Variants in SYNDIG1 observed in about 807,000 individuals in gnomAD.
SYNDIG1 encodes synapse differentiation inducing 1.
A neutral mutation model predicts 19.4 loss-of-function variants in SYNDIG1; 9 were observed. That is an observed-to-expected ratio of 0.46 (90% CI 0.28 to 0.81). SYNDIG1 has a LOEUF of 0.81. SYNDIG1 is among the 30% of genes least tolerant of loss of function. SYNDIG1 has a pLI of 0.12. For missense variants in SYNDIG1, 311 were observed against 343.3 expected (o/e 0.91, Z 0.74); for synonymous variants, 141 against 145.9 (o/e 0.97, Z 0.24).
intron 2 of SYNDIG1, among the ~76,000 whole-genome samples, chr20:24,580,609 A>G (rs1267776078): frequency 1.3e-5 from 2 of 152,100 alleles, no homozygotes; most frequent in Admixed American, 6.5e-5. Flanking sequence ...GGGTTTCACC[A>G]TGTTGCCCAG....
At chr20:24,599,938 T>C (rs2147117283) in intron 3 of SYNDIG1, among the ~76,000 whole-genome samples, 1 of 152,314 alleles carries the variant, frequency 6.6e-6, no homozygotes, top group South Asian at 2.1e-4. Flanking sequence ...GTGACTATAG[T>C]TAAACAAAAC....
chr20:24,550,304 G>A (rs1002176839), intron 2 of SYNDIG1, among the ~76,000 whole-genome samples: 5 of 149,276 alleles, frequency 3.3e-5, no homozygotes, highest in African/African-American at 9.9e-5. Flanking sequence ...TGGTGTAGAT[G>A]TCTCTCTAAT....
At chr20:24,566,920 G>T (rs1377905788) in intron 2 of SYNDIG1, among the ~76,000 whole-genome samples, 1 of 152,184 alleles carries the variant, frequency 6.6e-6, no homozygotes, top group Non-Finnish European at 1.5e-5. Context: ...AGGTCCAAAT[G>T]CATGTTCTCT....
intron 1 of SYNDIG1, among the ~76,000 whole-genome samples, chr20:24,540,310 A>G (rs1371043124): frequency 1.3e-5 from 2 of 152,050 alleles, no homozygotes; most frequent in African/African-American, 4.8e-5. Context: ...TTTTTGTGGA[A>G]TCTTTAGGGT....
intron 1 of SYNDIG1, among the ~76,000 whole-genome samples, chr20:24,478,064 C>G (rs191034293): frequency 6.6e-6 from 1 of 152,180 alleles, no homozygotes; most frequent in Non-Finnish European, 1.5e-5. Context: ...ACCACAGGGC[C>G]GCCTGGCTGC....
chr20:24,614,390 T>C (rs1356258283), intron 3 of SYNDIG1, among the ~76,000 whole-genome samples: 1 of 152,190 alleles, frequency 6.6e-6, no homozygotes, highest in African/African-American at 2.4e-5. Flanking sequence ...AAATATACTT[T>C]TTTGTTTGTT....
intron 2 of SYNDIG1, among the ~76,000 whole-genome samples, chr20:24,545,335 C>A (rs1358541467): frequency 6.6e-6 from 1 of 152,152 alleles, no homozygotes; most frequent in Non-Finnish European, 1.5e-5. Flanking sequence ...CACGCTGCAG[C>A]TGTGGAAAGT....
intron 3 of SYNDIG1, among the ~76,000 whole-genome samples, chr20:24,655,017 C>T (rs189963237): frequency 2.6e-5 from 4 of 152,268 alleles, no homozygotes; most frequent in Non-Finnish European, 5.9e-5. Context: ...CGAAGCCTTC[C>T]GCGGTGTGTG....
intron 1 of SYNDIG1, among the ~76,000 whole-genome samples, chr20:24,529,875 ATGG>A (rs1220230108): frequency 4.1e-3 from 24 of 5,800 alleles, no homozygotes; most frequent in Admixed American, 0.022. Flanking sequence ...GGTGGGGATG[ATGG>A]TGGTGATGGT....
At chr20:24,512,154 T>TAG (rs1412172650) in intron 1 of SYNDIG1, among the ~76,000 whole-genome samples, 1 of 111,984 alleles carries the variant, frequency 8.9e-6, no homozygotes, top group Non-Finnish European at 1.8e-5. Context: ...TATATATATA[T>TAG]GCAGTGGTTC....
intron 1 of SYNDIG1, among the ~76,000 whole-genome samples, chr20:24,506,770 T>C (rs974662371): frequency 1.3e-5 from 2 of 152,150 alleles, no homozygotes; most frequent in Non-Finnish European, 2.9e-5. Context: ...AGCCGTGTTA[T>C]TGTGGTCCCA....
intron 3 of SYNDIG1, among the ~76,000 whole-genome samples, chr20:24,652,723 G>A (rs376898234): frequency 1.3e-5 from 2 of 152,152 alleles, no homozygotes; most frequent in African/African-American, 2.4e-5. Flanking sequence ...CACTCACAGC[G>A]GGGTGCCCAG....
intron 1 of SYNDIG1, among the ~76,000 whole-genome samples, chr20:24,500,515 TTTCTTTCTTTC>T (rs2056423440): frequency 9.3e-6 from 1 of 107,618 alleles, no homozygotes; most frequent in Admixed American, 9.4e-5. Context: ...TCTTTCTTTC[TTTCTTTCTTTC>T]TTTCTTCTTT....
Position 24,563,537 on chromosome 20 carries a change from T to C in SYNDIG1, c.480+19960T>C, listed in dbSNP as rs2057984810. Among the ~76,000 whole-genome samples the C allele has an allele frequency of 2.0e-5, 3 of 152,296 alleles. No individual in the cohort carries two copies. The South Asian group carries it at 6.2e-4, about 32-fold the overall frequency. On this transcript the variant is annotated intron_variant, in intron 2 of 3. Transcript: ENST00000376862. The stretch of plus-strand genomic sequence containing the variant: ...TGCGTGTTGACCAGCTCCTCATCCT[T>C]ATCACTCCCTAAATCTTGTTTTCCC...
chr20:24,559,662 G>T (rs1360765564), intron 2 of SYNDIG1, among the ~76,000 whole-genome samples: 2 of 152,154 alleles, frequency 1.3e-5, no homozygotes, highest in African/African-American at 4.8e-5. Flanking sequence ...AGACAGGTCT[G>T]CTAGGAACAA....
intron 3 of SYNDIG1, among the ~76,000 whole-genome samples, chr20:24,645,561 G>A (rs748361109): frequency 6.6e-6 from 1 of 152,152 alleles, no homozygotes; most frequent in Admixed American, 6.5e-5. Flanking sequence ...GGAAGTGAGG[G>A]GGGAAGACTG....
Position 24,612,026 on chromosome 20 carries a change from C to T in SYNDIG1, c.618+27033C>T, listed in dbSNP as rs114282065. 9.7e-3 allele frequency among the ~76,000 whole-genome samples: 1,480 copies of T among 152,298 alleles called. 24 individuals carry two copies. Among genetic ancestry groups the T allele is most frequent in the African/African-American group, 0.034 (1,420 of 41,546 alleles). The stretch of plus-strand genomic sequence containing the variant: ...TGACAGGGACACAGCCACTTAATGG[C>T]AAGAGCAAGAAAAATATTGTCCCAG... On this transcript the variant is annotated intron_variant, in intron 3 of 3. Transcript: ENST00000376862.
At chr20:24,487,838 C>T (rs2056011771) in intron 1 of SYNDIG1, among the ~76,000 whole-genome samples, 1 of 152,146 alleles carries the variant, frequency 6.6e-6, no homozygotes, top group South Asian at 2.1e-4. Context: ...TTTGGACTGA[C>T]CCCATAACTG....
At chr20:24,653,380 C>T (rs911675281) in intron 3 of SYNDIG1, among the ~76,000 whole-genome samples, 3 of 152,120 alleles carry the variant, frequency 2.0e-5, no homozygotes, top group Non-Finnish European at 2.9e-5. Context: ...CGAAGACATC[C>T]ACCTGAAAGC....
Sources: allele counts gnomAD v4.1 joint callset (sites outside exome capture counted in the v4.1 genomes callset), GRCh38; gene constraint gnomAD v4.1.1; transcripts MANE v1.5; gene names NCBI Gene and HGNC (gene_info 2026-07-23, HGNC 2026-07-21).